Variants in DNAH9 observed in about 807,000 individuals in gnomAD.
The protein encoded by DNAH9 is dynein axonemal heavy chain 9, also known as DNAH9 variant protein.
Under a neutral mutation model 471.6 loss-of-function variants are expected in DNAH9, and 345 were observed. The ratio of observed to expected loss-of-function variants is 0.73; its 90% confidence interval spans 0.67 to 0.80. The LOEUF is 0.80. Among genes scored for constraint, DNAH9 ranks in the 30% least tolerant of loss-of-function variants. The pLI is 0.00. For missense variants in DNAH9, 5,407 were observed against 5,609.2 expected, an observed-to-expected ratio of 0.96 and a Z score of 1.15; for synonymous variants, 2,093 against 2,123.6, an observed-to-expected ratio of 0.99 and a Z score of 0.40.
chr17:11,863,983 C>T (rs1971951416), intron 50 of DNAH9, among the ~76,000 whole-genome samples: 1 of 151,464 alleles, frequency 6.6e-6, no homozygotes, highest in Non-Finnish European at 1.5e-5. Context: ...CTCCTGGATT[C>T]ATTAATTTTT....
chr17:11,905,094 C>T (rs998473985), intron 60 of DNAH9, among the ~76,000 whole-genome samples: 2 of 151,738 alleles, frequency 1.3e-5, no homozygotes, highest in African/African-American at 2.4e-5. Flanking sequence ...ATTAGCTGGG[C>T]GTGGTGGCAG....
intron 5 of DNAH9, 45 bp downstream of exon 5, chr17:11,617,667 T>C: frequency 2.1e-6 from 3 of 1,431,978 alleles, no homozygotes. Flanking sequence ...TGGGGGCTGG[T>C]TGGCATCTAG....
intron 43 of DNAH9, among the ~76,000 whole-genome samples, chr17:11,806,270 G>T (rs1273633556): frequency 6.6e-6 from 1 of 152,040 alleles, no homozygotes; most frequent in East Asian, 1.9e-4. Context: ...ATTCTGCGCG[G>T]CAGTCTCTAA....
rs201355369 is a variant in DNAH9 at position 11,854,167 on chromosome 17, G to A, written c.9672G>A (p.Ser3224=). 2.7e-5 allele frequency: 43 copies of A among 1,613,962 alleles called. No homozygotes were observed. The highest frequency in any genetic ancestry group is 2.5e-4 in the South Asian group (23 of 91,084). Residue 3224 remains serine, a synonymous_variant, in exon 50 of 69, where the codon TCG becomes TCA. Coordinates refer to ENST00000262442, the MANE Select transcript of DNAH9 (RefSeq NM_001372.4). ...TMAKVDGFLD[S]LINFNKENIH... ...CCAAAGTGGATGGCTTCCTGGACTC[G>A]CTAATAAACTTCAACAAAGAGAACA...
intron 49 of DNAH9, among the ~76,000 whole-genome samples, chr17:11,847,344 T>A (rs1971261764): frequency 6.6e-6 from 1 of 152,172 alleles, no homozygotes; most frequent in African/African-American, 2.4e-5. Flanking sequence ...AATTTTGGGT[T>A]TTACATTTAA....
At position 11,756,319 on chromosome 17, in the gene DNAH9, A is replaced by G. The variant is rs184608500; in HGVS notation, c.6739-249A>G. Among the ~76,000 whole-genome samples the G allele has an allele frequency of 3.8e-3, 576 of 151,806 alleles. 3 individuals are homozygous for G. The highest frequency in any genetic ancestry group is 6.8e-3 in the Middle Eastern group (2 of 292). ...TCAGATCTTGTGAGACTCACTCACA[A>G]CCATGAGAACTGTATGGGGGAAACC... On this transcript the variant is annotated intron_variant, in intron 33 of 68. Transcript: ENST00000262442.
intron 28 of DNAH9, among the ~76,000 whole-genome samples, chr17:11,731,953 A>G (rs1458452210): frequency 6.6e-6 from 1 of 152,180 alleles, no homozygotes; most frequent in Non-Finnish European, 1.5e-5. Flanking sequence ...TTCTAGTTCT[A>G]GATCCCTAAG....
At chr17:11,667,213 A>T (rs1033493509) in intron 15 of DNAH9, among the ~76,000 whole-genome samples, 1 of 152,238 alleles carries the variant, frequency 6.6e-6, no homozygotes, top group African/African-American at 2.4e-5. Flanking sequence ...AGTACATAAT[A>T]TGTATATTAA....
Position 11,757,671 on chromosome 17 carries a change from G to A in DNAH9, c.6974G>A (p.Cys2325Tyr), listed in dbSNP as rs1472199502. The A allele has an allele frequency of 6.2e-7, 1 of 1,613,976 alleles. No homozygotes were observed. Among genetic ancestry groups the A allele is most frequent in the Non-Finnish European group, 8.5e-7 (1 of 1,180,032 alleles). Residue 2325 changes from cysteine to tyrosine, a missense_variant, in exon 35 of 69, where the codon TGC (cysteine) becomes TAC (tyrosine). By Grantham distance (194) the Cys-to-Tyr change is radical. This residue lies in a region of DNAH9 where 4,636 missense variants were observed against 4,900.3 expected (regional missense o/e 0.95). Coordinates refer to ENST00000262442, the MANE Select transcript of DNAH9 (RefSeq NM_001372.4). ...TILFDKYLPT[C>Y]LDTLRTRFKK... is the part of the protein sequence containing the mutation. ...TTGTTCGACAAGTATCTTCCAACCT[G>A]CCTAGACACACTCAGAACCAGGTAG...
intron 62 of DNAH9, among the ~76,000 whole-genome samples, chr17:11,926,189 T>C (rs1224702365): frequency 2.6e-5 from 4 of 152,162 alleles, no homozygotes; most frequent in Non-Finnish European, 5.9e-5. Context: ...TCCTTTGGTA[T>C]AGAAATCTTA....
chr17:11,872,910 A>C (rs1972339583), intron 52 of DNAH9, among the ~76,000 whole-genome samples: 1 of 152,198 alleles, frequency 6.6e-6, no homozygotes, highest in African/African-American at 2.4e-5. Context: ...ACAGAGCGAG[A>C]CTCCGTCTCA....
intron 28 of DNAH9, among the ~76,000 whole-genome samples, chr17:11,738,451 G>T (rs995545132): frequency 1.3e-5 from 2 of 152,140 alleles, no homozygotes; most frequent in African/African-American, 4.8e-5. Context: ...CATGATCTCG[G>T]CTCACGGCAA....
At chr17:11,668,749 G>A (rs1330446318) in intron 15 of DNAH9, among the ~76,000 whole-genome samples, 2 of 151,864 alleles carry the variant, frequency 1.3e-5, no homozygotes, top group Non-Finnish European at 2.9e-5. Flanking sequence ...GAATGTGGAA[G>A]GGGAGTGGCT....
rs932725220 is a variant in DNAH9, at chr17:11,864,465, G to T, written c.9934-4669G>T. Among the ~76,000 whole-genome samples, 292 of 150,052 alleles carry T rather than the reference G, an allele frequency of 1.9e-3. 2 individuals are homozygous for T. Among genetic ancestry groups the T allele is most frequent in the African/African-American group, 7.0e-3 (287 of 41,186 alleles). On this transcript the variant is annotated intron_variant, in intron 50 of 68. Transcript: ENST00000262442. Reference sequence around the variant, plus strand: ...AACTATGTGGTCAATTTTGGAATAGGTGTGGTGTGGTGCTGAAAAAAATGT... The same window carrying T: ...AACTATGTGGTCAATTTTGGAATAGTTGTGGTGTGGTGCTGAAAAAAATGT...
intron 26 of DNAH9, among the ~76,000 whole-genome samples, chr17:11,707,739 C>G (rs535702578): frequency 1.3e-5 from 2 of 151,930 alleles, no homozygotes; most frequent in African/African-American, 4.8e-5. Context: ...ATCAGCCACC[C>G]TGATGACTCA....
In DNAH9 at chr17:11,892,555, C is replaced by CT. The variant is rs1190557615; in HGVS notation, c.11283+616dup. Among the ~76,000 whole-genome samples, 5 of 151,882 alleles carry CT rather than the reference C, an allele frequency of 3.3e-5. No homozygotes were observed. The highest frequency in any genetic ancestry group is 2.1e-4 in the South Asian group (1 of 4,816). On this transcript the variant is annotated intron_variant, in intron 58 of 68. Coordinates refer to ENST00000262442, the MANE Select transcript of DNAH9 (RefSeq NM_001372.4). This position sits in a 1 kb window ranked among gnomAD's most constrained non-coding sequence, Gnocchi z 4.3. ...TCAAAAAACCATGAAAATTTACTTC[C>CT]TTTTTTTTATTTTGAGATGGAGTCT...
In DNAH9 at chr17:11,787,562, C is replaced by G. The variant is rs145662757; in HGVS notation, c.8061+3023C>G. On this transcript the variant is annotated intron_variant, in intron 41 of 68. Coordinates refer to ENST00000262442, the MANE Select transcript of DNAH9 (RefSeq NM_001372.4). ...AGAGAACACTGTTGTTTTCCTTTAT[C>G]TGGCTTGATCCCAGGCTCAGTAATT... Among the ~76,000 whole-genome samples, 276 of 152,296 alleles carry G rather than the reference C, an allele frequency of 1.8e-3. 1 individual carries two copies. The highest frequency in any genetic ancestry group is 3.1e-3 in the Non-Finnish European group (213 of 68,028).
chr17:11,693,013 C>T (rs1008688841), intron 20 of DNAH9, among the ~76,000 whole-genome samples: 2 of 149,594 alleles, frequency 1.3e-5, no homozygotes, highest in Non-Finnish European at 3.0e-5. Flanking sequence ...TCGAGCGATT[C>T]TCCTGCCTCA....
In DNAH9 at chr17:11,654,354, T is replaced by C. The variant is rs1309652814; in HGVS notation, c.2595+1352T>C. 2.1e-3 allele frequency among the ~76,000 whole-genome samples: 2 copies of C among 938 alleles called. 1 individual carries two copies. The highest frequency in any genetic ancestry group is 2.7e-3 in the African/African-American group (2 of 728). 0.6% of individuals were successfully genotyped at this position (938 alleles called of 152,430 possible). On this transcript the variant is annotated intron_variant, in intron 14 of 68. Coordinates refer to ENST00000262442, the MANE Select transcript of DNAH9 (RefSeq NM_001372.4). ...CTGGGCCACAGAGCGAGACTCCGTC[T>C]CAAAAAAAAAAAAAAAAAAAAAAAG...
Sources: gnomAD v4.1 joint callset for allele counts (sites outside exome capture counted in the v4.1 genomes callset) on GRCh38, gnomAD v4.1.1 for gene constraint, gnomAD v4.1.1 regional missense constraint, Gnocchi (gnomAD v3.1) non-coding constraint, MANE v1.5 for transcripts, NCBI Gene and HGNC (gene_info 2026-07-23, HGNC 2026-07-21) for gene names.